The following SMARCC1 variants were observed in gnomAD, a reference collection of about 807,000 sequenced individuals.
SMARCC1 encodes the protein SWI/SNF complex subunit SMARCC1.
In SMARCC1, 43 loss-of-function variants were observed where a neutral mutation model predicts 147.4. The ratio of observed to expected loss-of-function variants is 0.29; its 90% CI spans 0.23 to 0.38. The LOEUF (loss-of-function observed/expected upper bound fraction) is 0.38. Ranked by LOEUF, SMARCC1 falls within the 10% of genes least tolerant of loss-of-function variation. SMARCC1 has a pLI of 1.00. For synonymous variants in SMARCC1, 495 were observed against 484.4 expected (o/e 1.02, Z -0.29); for missense variants, 1,119 against 1,381.1 (o/e 0.81, Z 3.01).
rs1051931901 is a variant in SMARCC1, at chr3:47,608,574, T to C, written c.3043+1492A>G. Among the ~76,000 whole-genome samples, 5 of 152,012 alleles carry C rather than the reference T, an allele frequency of 3.3e-5. No individual in the cohort carries two copies. The East Asian group carries it at 5.8e-4, about 18-fold the overall frequency. ...ATAAGTGAATCTTGTCTGGGTGTGG[T>C]AGAGCTCATGCCTGTAATCCCAGCA... On this transcript the variant is annotated intron_variant, in intron 26 of 27. Coordinates refer to ENST00000254480, the MANE Select transcript of SMARCC1 (RefSeq NM_003074.4).
chr3:47,663,703 G>A (rs888253283), intron 19 of SMARCC1: 15 of 1,493,154 alleles, frequency 1.0e-5, no homozygotes, highest in Admixed American at 3.3e-5. Flanking sequence ...CTGTTTACAG[G>A]AATCCAGAGA....
intron 26 of SMARCC1, among the ~76,000 whole-genome samples, chr3:47,599,083 CTT>C (rs2032345476): frequency 6.6e-6 from 1 of 152,012 alleles, no homozygotes; most frequent in Non-Finnish European, 1.5e-5. Flanking sequence ...ATACATTTCT[CTT>C]GTTTTAAGTT....
intron 6 of SMARCC1, among the ~76,000 whole-genome samples, chr3:47,725,575 C>G (rs1359155893): frequency 6.6e-6 from 1 of 152,012 alleles, no homozygotes; most frequent in African/African-American, 2.4e-5. Flanking sequence ...CTCAGCCTCC[C>G]AAATAGCTGG....
intron 15 of SMARCC1, among the ~76,000 whole-genome samples, chr3:47,678,960 G>A (rs2033605732): frequency 1.3e-5 from 2 of 152,132 alleles, no homozygotes; most frequent in African/African-American, 4.8e-5. Flanking sequence ...TTCTTTAAGG[G>A]AGATCACGGC....
chr3:47,733,282 G>A (rs13066403), intron 5 of SMARCC1, among the ~76,000 whole-genome samples: 362 of 152,008 alleles, frequency 2.4e-3, no homozygotes, highest in Non-Finnish European at 3.6e-3. Context: ...GGGCGGCTGC[G>A]GGGTGGTGCT....
At chr3:47,639,651 T>C (rs1002510182) in intron 21 of SMARCC1, among the ~76,000 whole-genome samples, 2 of 151,864 alleles carry the variant, frequency 1.3e-5, no homozygotes, top group Non-Finnish European at 2.9e-5. Flanking sequence ...GAGGCGGAGG[T>C]TGCAGTGAGC....
intron 21 of SMARCC1, among the ~76,000 whole-genome samples, chr3:47,653,248 C>CAT (rs2033216786): frequency 1.3e-5 from 2 of 152,192 alleles, no homozygotes; most frequent in African/African-American, 2.4e-5. Flanking sequence ...TGAGCCACGG[C>CAT]GCCCGGCCGC....
intron 9 of SMARCC1, 63 bp downstream of exon 9, chr3:47,710,620 A>T: frequency 6.5e-7 from 1 of 1,543,044 alleles, no homozygotes; most frequent in Admixed American, 1.9e-5. Flanking sequence ...ACTGATGAAG[A>T]TTTAATAACA....
chr3:47,775,703 C>T (rs2034966056), intron 1 of SMARCC1, among the ~76,000 whole-genome samples: 1 of 151,816 alleles, frequency 6.6e-6, no homozygotes, highest in South Asian at 2.1e-4. Context: ...ACCCAGGAGG[C>T]GCAGGCTGTA....
rs1553682242 is a variant in SMARCC1, at chr3:47,673,395, A to AAG, written c.1839+2079_1839+2080insCT. ...AGCGAGACTCTGTCTCAAAAAAAAA[A>AAG]GGGTGGGGGGGGGGCAGGCCAGTGG... On this transcript the variant is annotated intron_variant, in intron 18 of 27. Coordinates refer to ENST00000254480, the MANE Select transcript of SMARCC1 (RefSeq NM_003074.4). 2.9e-3 allele frequency among the ~76,000 whole-genome samples: 46 copies of AAG among 15,878 alleles called. 8 individuals carry two copies. Among genetic ancestry groups the AAG allele is most frequent in the African/African-American group, 5.3e-3 (31 of 5,828 alleles). 10.4% of individuals were successfully genotyped at this position (15,878 alleles called of 152,430 possible).
At chr3:47,599,108 T>C (rs2032345797) in intron 26 of SMARCC1, among the ~76,000 whole-genome samples, 1 of 152,098 alleles carries the variant, frequency 6.6e-6, no homozygotes, top group South Asian at 2.1e-4. Context: ...TCTGACAGGC[T>C]GTGCGCAGTG....
At chr3:47,769,224 A>C (rs1428328170) in intron 2 of SMARCC1, among the ~76,000 whole-genome samples, 2 of 149,746 alleles carry the variant, frequency 1.3e-5, no homozygotes, top group South Asian at 2.1e-4. Context: ...AAAAAAAAAA[A>C]AAAAAAAAAG....
intron 7 of SMARCC1, among the ~76,000 whole-genome samples, chr3:47,720,387 G>A (rs1271258957): frequency 6.6e-6 from 1 of 152,014 alleles, no homozygotes; most frequent in Non-Finnish European, 1.5e-5. Flanking sequence ...CTCCCAAAGT[G>A]CTGGGATTAC....
intron 14 of SMARCC1, among the ~76,000 whole-genome samples, chr3:47,683,681 G>A (rs938496952): frequency 1.3e-5 from 2 of 151,120 alleles, no homozygotes; most frequent in South Asian, 2.1e-4. Context: ...CCGAGATTGC[G>A]CCGCTGCACT....
chr3:47,744,389 A>T (rs375009208), intron 3 of SMARCC1, among the ~76,000 whole-genome samples: 2 of 152,034 alleles, frequency 1.3e-5, no homozygotes, highest in Non-Finnish European at 2.9e-5. Flanking sequence ...AGGTGATCCA[A>T]ATCAATATCT....
intron 5 of SMARCC1, among the ~76,000 whole-genome samples, chr3:47,733,343 C>T (rs933069377): frequency 6.6e-6 from 1 of 151,994 alleles, no homozygotes; most frequent in Non-Finnish European, 1.5e-5. Context: ...TTTGGGAGGC[C>T]GAGGTAGCAG....
At chr3:47,710,428 T>C (rs958651070) in intron 9 of SMARCC1, among the ~76,000 whole-genome samples, 1 of 152,162 alleles carries the variant, frequency 6.6e-6, no homozygotes, top group Non-Finnish European at 1.5e-5. Flanking sequence ...AAATCAGCTA[T>C]ACCACTACCC....
intron 2 of SMARCC1, among the ~76,000 whole-genome samples, chr3:47,761,568 AGATTGGACCTGATG>A (rs543737339): frequency 9.1e-4 from 138 of 152,270 alleles, no homozygotes; most frequent in African/African-American, 3.2e-3. Flanking sequence ...CCTCCCTGCT[AGATTGGACCTGATG>A]GATGATGACA....
At chr3:47,722,344 T>A (rs368611793) in intron 6 of SMARCC1, among the ~76,000 whole-genome samples, 76 of 140,546 alleles carry the variant, frequency 5.4e-4, no homozygotes, top group African/African-American at 2.0e-3. Context: ...GTTGCCCAGG[T>A]TAGAATGCAA....
Sources: gnomAD v4.1 joint callset for allele counts (sites outside exome capture counted in the v4.1 genomes callset) on GRCh38, gnomAD v4.1.1 for gene constraint, MANE v1.5 for transcripts, NCBI Gene and HGNC (gene_info 2026-07-23, HGNC 2026-07-21) for gene names.